The following FGF1 variants were observed in gnomAD, a reference collection of about 807,000 sequenced individuals.
The protein encoded by FGF1 is beta-endothelial cell growth factor.
In FGF1, 9 loss-of-function variants were observed where a neutral mutation model predicts 13.4. That is an observed-to-expected ratio of 0.67 (90% CI 0.40 to 1.17). The LOEUF is 1.17. FGF1 is among the 50% of genes most tolerant of loss of function. The pLI, the probability that FGF1 is intolerant of heterozygous loss-of-function variation, is 0.01. For synonymous variants in FGF1, 93 were observed against 79.0 expected, an observed-to-expected ratio of 1.18 and a Z score of -0.94; for missense variants, 156 against 192.7, an observed-to-expected ratio of 0.81 and a Z score of 1.13.
chr5:142,610,388 C>G (rs527788305), intron 2 of FGF1, among the ~76,000 whole-genome samples: 8 of 152,274 alleles, frequency 5.3e-5, no homozygotes, highest in African/African-American at 1.4e-4. Context: ...GAGGGAAAAC[C>G]ATTAAATAAT....
intron 1 of FGF1, among the ~76,000 whole-genome samples, chr5:142,656,393 C>T (rs1191460294): frequency 6.6e-6 from 1 of 152,148 alleles, no homozygotes; most frequent in African/African-American, 2.4e-5. Flanking sequence ...CCTTGTTTTC[C>T]ATTTACATGC....
intron 1 of FGF1, among the ~76,000 whole-genome samples, chr5:142,623,049 C>T (rs1357820040): frequency 6.6e-6 from 1 of 152,208 alleles, no homozygotes; most frequent in Non-Finnish European, 1.5e-5. Flanking sequence ...TTGAAATCAA[C>T]CCTGGTGAGA....
chr5:142,688,962 C>T (rs34781635), upstream of FGF1, among the ~76,000 whole-genome samples: 1 of 152,214 alleles, frequency 6.6e-6, no homozygotes, highest in East Asian at 1.9e-4. Context: ...CTCTGAAAAT[C>T]AGACATATAA....
chr5:142,659,131 G>T (rs17099175), intron 1 of FGF1, among the ~76,000 whole-genome samples: 1 of 151,508 alleles, frequency 6.6e-6, no homozygotes, highest in South Asian at 2.1e-4. Context: ...CGCCATCCTT[G>T]TTATAGTGAA....
chr5:142,634,390 G>A (rs1397967666), intron 1 of FGF1, among the ~76,000 whole-genome samples: 1 of 152,162 alleles, frequency 6.6e-6, no homozygotes, highest in Non-Finnish European at 1.5e-5. Flanking sequence ...GTGAGGCTTG[G>A]CACAGCCAAG....
chr5:142,654,601 T>C (rs1405757260), intron 1 of FGF1, among the ~76,000 whole-genome samples: 1 of 152,224 alleles, frequency 6.6e-6, no homozygotes, highest in Non-Finnish European at 1.5e-5. Flanking sequence ...ATCTTGGACA[T>C]TGTGTTGCGA....
intron 1 of FGF1, among the ~76,000 whole-genome samples, chr5:142,657,121 T>C (rs1197932535): frequency 6.6e-6 from 1 of 152,152 alleles, no homozygotes; most frequent in Non-Finnish European, 1.5e-5. Context: ...TTCACCATAT[T>C]GGCCAGGCTG....
intron 2 of FGF1, among the ~76,000 whole-genome samples, chr5:142,695,600 AG>A (rs1561781810): frequency 1.3e-5 from 2 of 150,126 alleles, no homozygotes; most frequent in Non-Finnish European, 2.9e-5. Context: ...AAAAAAAAAA[AG>A]AAAGAAAAAG....
At chr5:142,611,913 T>C (rs1759142529) in intron 2 of FGF1, among the ~76,000 whole-genome samples, 1 of 152,174 alleles carries the variant, frequency 6.6e-6, no homozygotes, top group South Asian at 2.1e-4. Context: ...TTGATGATGA[T>C]AACTGCAATA....
At chr5:142,654,712 C>G (rs922515551) in intron 1 of FGF1, among the ~76,000 whole-genome samples, 1 of 152,236 alleles carries the variant, frequency 6.6e-6, no homozygotes, top group African/African-American at 2.4e-5. Context: ...GTCTTCGACT[C>G]CATGAATGTT....
intron 1 of FGF1, among the ~76,000 whole-genome samples, chr5:142,667,642 T>A (rs1431749599): frequency 6.6e-6 from 1 of 150,818 alleles, no homozygotes; most frequent in Non-Finnish European, 1.5e-5. Context: ...CGGCTTTTAG[T>A]CCCTCGCAGG....
At chr5:142,684,419 T>G (rs1168596086) in intron 1 of FGF1, among the ~76,000 whole-genome samples, 1 of 152,238 alleles carries the variant, frequency 6.6e-6, no homozygotes, top group Non-Finnish European at 1.5e-5. Flanking sequence ...GTGTTTTCTC[T>G]TAAAGTTTTG....
intron 1 of FGF1, among the ~76,000 whole-genome samples, chr5:142,636,457 G>A (rs565438098): frequency 1.8e-4 from 28 of 152,224 alleles, no homozygotes; most frequent in Non-Finnish European, 3.5e-4. Context: ...ACAATCGGAG[G>A]ACTCATTCAT....
At chr5:142,645,944 T>C (rs114462798) in intron 1 of FGF1, among the ~76,000 whole-genome samples, 2,159 of 152,300 alleles carry the variant, frequency 0.014, 40 homozygotes, top group African/African-American at 0.048. Context: ...AGTCTTGCTT[T>C]GTCGCCTAGG....
At chr5:142,659,093 A>G (rs1597361727) in intron 1 of FGF1, among the ~76,000 whole-genome samples, 1 of 152,062 alleles carries the variant, frequency 6.6e-6, no homozygotes, top group African/African-American at 2.4e-5. Context: ...GCTCTCATTC[A>G]GGTTCTTTAT....
At chr5:142,646,359 A>G (rs62382155) in intron 1 of FGF1, among the ~76,000 whole-genome samples, 2 of 151,298 alleles carry the variant, frequency 1.3e-5, no homozygotes, top group Non-Finnish European at 2.9e-5. Context: ...GTGCCCAGCT[A>G]ATTTTTTTTT....
At chr5:142,596,061 T>C (rs1019784213) in intron 3 of FGF1, among the ~76,000 whole-genome samples, 3 of 152,272 alleles carry the variant, frequency 2.0e-5, no homozygotes, top group African/African-American at 7.2e-5. Context: ...AGTATTGTTA[T>C]GAAGATATGC....
chr5:142,628,791 A>G (rs1270009332), intron 1 of FGF1, among the ~76,000 whole-genome samples: 1 of 152,154 alleles, frequency 6.6e-6, no homozygotes, highest in East Asian at 1.9e-4. Context: ...TTTTGAATTT[A>G]TTGGCCTTTG....
intron 2 of FGF1, among the ~76,000 whole-genome samples, chr5:142,695,683 G>T (rs1407056011): frequency 6.6e-6 from 1 of 151,662 alleles, no homozygotes; most frequent in Non-Finnish European, 1.5e-5. Context: ...ATTTTCTATT[G>T]GTCAATTAAC....
Sources: gnomAD v4.1 joint callset for allele counts (sites outside exome capture counted in the v4.1 genomes callset) on GRCh38, gnomAD v4.1.1 for gene constraint, MANE v1.5 for transcripts, NCBI Gene and HGNC (gene_info 2026-07-23, HGNC 2026-07-21) for gene names.